NRG4: variants seen among roughly 807,000 people sequenced by gnomAD.
NRG4 encodes neuregulin 4, also known as pro-neuregulin-4, membrane-bound isoform.
In NRG4, 10 loss-of-function variants were observed where a neutral mutation model predicts 15.0. The ratio of observed to expected loss-of-function variants is 0.67; its 90% CI spans 0.41 to 1.13. The LOEUF is 1.13. Among genes scored for constraint, NRG4 ranks in the 50% most tolerant of loss-of-function variants. The pLI, the probability that NRG4 is intolerant of heterozygous loss-of-function variation, is 0.00. For synonymous variants in NRG4, 41 were observed against 50.1 expected (o/e 0.82, Z 0.77); for missense variants, 139 against 140.2 (o/e 0.99, Z 0.04).
At chr15:75,971,278 C>T (rs1415290075) in intron 3 of NRG4, 1 of 455,586 alleles carries the variant, frequency 2.2e-6, no homozygotes. Context: ...TTTGGTTTTA[C>T]AGTTTGACCA....
chr15:76,048,471 C>CAAAAAAAAA (rs35429006), intron 4 of NRG4, among the ~76,000 whole-genome samples: 1 of 74,008 alleles, frequency 1.4e-5, no homozygotes, highest in Non-Finnish European at 2.7e-5. Context: ...GACTCTGACT[C>CAAAAAAAAA]AAAAAAAAAA....
Position 75,941,003 on chromosome 15 carries a change from C to G in NRG4, c.*2635G>C, listed in dbSNP as rs952459756. 1.3e-5 allele frequency: 2 copies of G among 152,036 alleles called. No homozygotes were observed. Among genetic ancestry groups the G allele is most frequent in the African/African-American group, 4.8e-5 (2 of 41,420 alleles). 9.4% of individuals were successfully genotyped at this position (152,036 alleles called of 1,614,324 possible). A position where few individuals can be genotyped will look rare whatever the true frequency, so the allele number is the denominator to read the frequency against. On this transcript the variant is annotated 3_prime_UTR_variant, in exon 6 of 6. Coordinates refer to ENST00000394907, the MANE Select transcript of NRG4 (RefSeq NM_138573.4). ...ACTATCAACAGAGTAAAAAGATTAC[C>G]TATGGAGTGGGAGGAAATAATATGC... is the stretch of plus-strand genomic sequence containing the variant.
intron 3 of NRG4, among the ~76,000 whole-genome samples, chr15:76,004,504 C>A (rs984800856): frequency 1.0e-4 from 15 of 150,726 alleles, no homozygotes; most frequent in African/African-American, 3.4e-4. Flanking sequence ...GAGGCTGAGG[C>A]AGGAGAATCA....
At chr15:76,025,171 G>A (rs923399700) in intron 5 of NRG4, among the ~76,000 whole-genome samples, 2 of 152,298 alleles carry the variant, frequency 1.3e-5, no homozygotes, top group East Asian at 3.9e-4. Context: ...TGGGCGTGGT[G>A]GCTCACACCT....
Position 76,011,249 on chromosome 15 carries a change from T to C in NRG4, c.-19A>G. The C allele has an allele frequency of 6.9e-7, 1 of 1,448,258 alleles. No individual in the cohort carries two copies. The highest frequency in any genetic ancestry group is 9.2e-7 in the Non-Finnish European group (1 of 1,092,516). 89.7% of individuals were successfully genotyped at this position (1,448,258 alleles called of 1,614,324 possible). A position where few individuals can be genotyped will look rare whatever the true frequency, so the allele number is the denominator to read the frequency against. ...TTGGCATCTTAATTTGTAAATAGTT[T>C]CATTCTTGGTCAAGAGAGTAGGGTT... On this transcript the variant is annotated 5_prime_UTR_variant, in exon 2 of 6. The change abolishes the stop of an existing upstream ORF in the 5' untranslated region. Transcript: ENST00000394907.
chr15:76,054,879 T>C (rs982796849), intron 2 of NRG4, among the ~76,000 whole-genome samples: 24 of 152,356 alleles, frequency 1.6e-4, no homozygotes, highest in African/African-American at 5.8e-4. Flanking sequence ...TTTGCAGTAC[T>C]AAATAACATT....
chr15:75,946,701 T>C (rs2031540826), intron 5 of NRG4, among the ~76,000 whole-genome samples: 1 of 152,148 alleles, frequency 6.6e-6, no homozygotes, highest in Non-Finnish European at 1.5e-5. Flanking sequence ...CTCTACCCAT[T>C]AAACAGTAAC....
At chr15:75,987,562 T>C (rs1171383139) in intron 3 of NRG4, among the ~76,000 whole-genome samples, 1 of 152,106 alleles carries the variant, frequency 6.6e-6, no homozygotes, top group Admixed American at 6.5e-5. Flanking sequence ...CCGCTCTCCC[T>C]CTCTCTGCCA....
intron 3 of NRG4, among the ~76,000 whole-genome samples, chr15:75,975,600 G>C (rs564120088): frequency 6.6e-6 from 1 of 152,210 alleles, no homozygotes; most frequent in African/African-American, 2.4e-5. Flanking sequence ...TTTCTCCTTT[G>C]CTTATGAAGC....
intron 4 of NRG4, among the ~76,000 whole-genome samples, chr15:76,042,840 T>C (rs889160601): frequency 4.0e-5 from 6 of 151,748 alleles, no homozygotes; most frequent in Admixed American, 6.6e-5. Context: ...CAAAACCAGA[T>C]AAAAACACAT....
chr15:76,036,971 C>A (rs2035609738), intron 4 of NRG4, among the ~76,000 whole-genome samples: 1 of 152,032 alleles, frequency 6.6e-6, no homozygotes, highest in Non-Finnish European at 1.5e-5. Context: ...ATGACATGAT[C>A]TTATACACAG....
chr15:76,033,319 A>G lies in NRG4; in HGVS notation c.-57+2625T>C, dbSNP rs149076425. On this transcript the variant is annotated intron_variant, in intron 5 of 8. Transcript: ENST00000563910. ...GCCTGTCATCCTAGCACATTAGGGG[A>G]CCAAGGCAGGAAGATACCTGGAGGC... is the stretch of plus-strand genomic sequence containing the variant. Among the ~76,000 whole-genome samples the G allele has an allele frequency of 1.8e-3, 278 of 152,260 alleles. 2 individuals carry two copies. The highest frequency in any genetic ancestry group is 5.8e-3 in the African/African-American group (243 of 41,568).
chr15:76,057,534 C>T (rs2036181150), intron 1 of NRG4, among the ~76,000 whole-genome samples: 1 of 152,146 alleles, frequency 6.6e-6, no homozygotes, highest in African/African-American at 2.4e-5. Context: ...TGCAGAATGG[C>T]ATCTCGTCCA....
chr15:75,996,626 T>C (rs180890320), intron 3 of NRG4, among the ~76,000 whole-genome samples: 262 of 152,288 alleles, frequency 1.7e-3, no homozygotes, highest in African/African-American at 5.7e-3. Flanking sequence ...CAAATTTCTA[T>C]TTGTAACCAT....
chr15:75,951,675 C>T (rs150070846), intron 5 of NRG4, among the ~76,000 whole-genome samples: 75 of 152,246 alleles, frequency 4.9e-4, no homozygotes, highest in African/African-American at 1.6e-3. Flanking sequence ...CAAGTGATGA[C>T]GTACTGCTTG....
At chr15:76,027,014 C>T (rs1286907307) in intron 5 of NRG4, among the ~76,000 whole-genome samples, 3 of 151,930 alleles carry the variant, frequency 2.0e-5, no homozygotes, top group African/African-American at 4.8e-5. Flanking sequence ...CCTAGCTACT[C>T]AGGAGCTGAG....
chr15:76,016,852 T>G (rs1434981267), upstream of NRG4, among the ~76,000 whole-genome samples: 1 of 152,202 alleles, frequency 6.6e-6, no homozygotes, highest in African/African-American at 2.4e-5. Context: ...TTAGGTCCAC[T>G]TGGTCCAGAG....
Position 75,975,473 on chromosome 15 carries a change from G to C in NRG4, c.105-13499C>G, listed in dbSNP as rs563506789. On this transcript the variant is annotated intron_variant, in intron 3 of 5. Transcript: ENST00000394907. ...GGTCTTTACAATCTGGCATGTTTTT[G>C]CAGTGGCTGGTACTGGTTTTTCCTT... is the stretch of plus-strand genomic sequence containing the variant. 2.3e-3 allele frequency among the ~76,000 whole-genome samples: 350 copies of C among 152,312 alleles called. 4 individuals are homozygous for C. The highest frequency in any genetic ancestry group is 4.3e-4 in the Non-Finnish European group (29 of 68,036).
At position 75,942,183 on chromosome 15, in the gene NRG4, G is replaced by T. The variant is rs1388039904; in HGVS notation, c.*1455C>A. 6.6e-6 allele frequency: 1 copy of T among 151,972 alleles called. No individual in the cohort carries two copies. Among genetic ancestry groups the T allele is most frequent in the Non-Finnish European group, 1.5e-5 (1 of 67,998 alleles). 9.4% of individuals were successfully genotyped at this position (151,972 alleles called of 1,614,324 possible). A position where few individuals can be genotyped will look rare whatever the true frequency, so the allele number is the denominator to read the frequency against. ...AGAGAGGGAGGGGTAAATACATGGA[G>T]TAGAGATTTTTAGGGTGGTGAAACT... On this transcript the variant is annotated 3_prime_UTR_variant, in exon 6 of 6. Transcript: ENST00000394907.
Sources: allele counts gnomAD v4.1 joint callset (sites outside exome capture counted in the v4.1 genomes callset), GRCh38; gene constraint gnomAD v4.1.1; transcripts MANE v1.5; gene names NCBI Gene and HGNC (gene_info 2026-07-23, HGNC 2026-07-21).